Variants in CPQ observed in about 807,000 individuals in gnomAD.
CPQ encodes Ser-Met dipeptidase.
Under a neutral mutation model 45.7 loss-of-function variants are expected in CPQ, and 37 were observed. That is an observed-to-expected ratio of 0.81 (90% confidence interval 0.62 to 1.07). CPQ has a LOEUF of 1.07. Among genes scored for constraint, CPQ ranks in the 50% least tolerant of loss-of-function variants. The pLI is 0.00. For missense variants in CPQ, 537 were observed against 572.9 expected (o/e 0.94, Z 0.64); for synonymous variants, 186 against 205.8 (o/e 0.90, Z 0.82).
intron 1 of CPQ, among the ~76,000 whole-genome samples, chr8:96,690,022 G>C (rs112295017): frequency 2.0e-5 from 3 of 152,064 alleles, no homozygotes; most frequent in African/African-American, 7.2e-5. Flanking sequence ...TTTCTCTCCT[G>C]TTTATGAGCT....
intron 3 of CPQ, among the ~76,000 whole-genome samples, chr8:96,877,707 G>A (rs984387501): frequency 2.0e-5 from 3 of 152,116 alleles, no homozygotes; most frequent in Non-Finnish European, 4.4e-5. Flanking sequence ...GCAATATTAT[G>A]AGGTCAATGC....
At chr8:97,078,763 TTCTC>T (rs749278181) in intron 7 of CPQ, among the ~76,000 whole-genome samples, 4,961 of 100,268 alleles carry the variant, frequency 0.049, 121 homozygotes, top group Middle Eastern at 0.1. Context: ...TCATTTCCAT[TTCTC>T]TCTCTCTCTC....
chr8:96,674,454 C>A (rs1463876591), intron 1 of CPQ, among the ~76,000 whole-genome samples: 1 of 152,020 alleles, frequency 6.6e-6, no homozygotes, highest in African/African-American at 2.4e-5. Context: ...ATTAGTGTCA[C>A]CAAGGGCATA....
chr8:97,024,895 T>C (rs1809771716), intron 5 of CPQ, among the ~76,000 whole-genome samples: 1 of 152,210 alleles, frequency 6.6e-6, no homozygotes, highest in African/African-American at 2.4e-5. Flanking sequence ...AAAATGAGTA[T>C]ATTTACTGCA....
chr8:97,084,611 A>C (rs1206645171), intron 7 of CPQ, among the ~76,000 whole-genome samples: 1 of 152,192 alleles, frequency 6.6e-6, no homozygotes, highest in African/African-American at 2.4e-5. Flanking sequence ...ACAATTACAG[A>C]GGCACATACA....
intron 1 of CPQ, among the ~76,000 whole-genome samples, chr8:96,684,071 A>G (rs1809190418): frequency 6.6e-6 from 1 of 152,048 alleles, no homozygotes; most frequent in Non-Finnish European, 1.5e-5. Flanking sequence ...TTACTGGATA[A>G]TTATTGTGTT....
Position 96,794,026 on chromosome 8 carries a change from G to A in CPQ, c.433+8696G>A, listed in dbSNP as rs187351688. On this transcript the variant is annotated intron_variant, in intron 2 of 7. Transcript: ENST00000220763. ...GTGTCTGCAGTTTTTCCAGGTGCACGGTGCAAGCTGTTGGTGGATCTATCA... is the reference window on the plus strand; with the variant it reads ...GTGTCTGCAGTTTTTCCAGGTGCACAGTGCAAGCTGTTGGTGGATCTATCA... Among the ~76,000 whole-genome samples the A allele has an allele frequency of 5.9e-3, 902 of 152,290 alleles. 7 individuals carry two copies. The highest frequency in any genetic ancestry group is 9.9e-3 in the African/African-American group (410 of 41,566).
intron 6 of CPQ, among the ~76,000 whole-genome samples, chr8:97,036,585 A>T (rs975287862): frequency 3.3e-5 from 5 of 152,222 alleles, no homozygotes; most frequent in African/African-American, 9.6e-5. Flanking sequence ...TCTGCTTTTC[A>T]TGGGAATAAT....
chr8:96,855,791 G>A (rs1811840227), intron 3 of CPQ, among the ~76,000 whole-genome samples: 1 of 152,166 alleles, frequency 6.6e-6, no homozygotes, highest in South Asian at 2.1e-4. Context: ...GATAAAATAG[G>A]GTAATGCATT....
intron 1 of CPQ, among the ~76,000 whole-genome samples, chr8:96,728,065 CCT>C (rs1809867258): frequency 6.6e-6 from 1 of 152,068 alleles, no homozygotes; most frequent in Non-Finnish European, 1.5e-5. Flanking sequence ...AAGGTGTGCC[CCT>C]CTCTCTGGAG....
At chr8:97,049,043 C>A (rs1810309587) in intron 6 of CPQ, among the ~76,000 whole-genome samples, 1 of 152,124 alleles carries the variant, frequency 6.6e-6, no homozygotes, top group Non-Finnish European at 1.5e-5. Flanking sequence ...ACTGACATTC[C>A]TATTGTACAA....
intron 1 of CPQ, among the ~76,000 whole-genome samples, chr8:96,695,267 T>C (rs1451988220): frequency 6.8e-6 from 1 of 147,684 alleles, no homozygotes; most frequent in Non-Finnish European, 1.5e-5. Flanking sequence ...ATCCCTTCCT[T>C]ACACCTTATA....
intron 4 of CPQ, among the ~76,000 whole-genome samples, chr8:96,914,708 C>A (rs1299343131): frequency 6.6e-6 from 1 of 152,082 alleles, no homozygotes; most frequent in Non-Finnish European, 1.5e-5. Flanking sequence ...AGGCTAATTT[C>A]AAACCCAGTT....
chr8:97,091,430 G>A (rs1168576301), intron 7 of CPQ, among the ~76,000 whole-genome samples: 2 of 152,158 alleles, frequency 1.3e-5, no homozygotes, highest in Non-Finnish European at 1.5e-5. Flanking sequence ...TGTTCATGAG[G>A]AGAACAGATG....
intron 3 of CPQ, among the ~76,000 whole-genome samples, chr8:96,859,776 T>C (rs193153085): frequency 1.1e-3 from 167 of 152,298 alleles, no homozygotes; most frequent in Middle Eastern, 6.8e-3. Context: ...TTTCATTGCA[T>C]GATGTCTGTG....
chr8:97,075,260 G>A lies in CPQ; in HGVS notation c.1255+9050G>A, dbSNP rs113707321. 4.7e-3 allele frequency among the ~76,000 whole-genome samples: 708 copies of A among 152,250 alleles called. 6 individuals carry two copies. Among genetic ancestry groups the A allele is most frequent in the African/African-American group, 0.016 (661 of 41,544 alleles). On this transcript the variant is annotated intron_variant, in intron 7 of 7. Transcript: ENST00000220763. ...TACTTAAGTCTCTGTACCATTTTCC[G>A]TGCCTTCTAATGACATAGCCTAGAA...
chr8:96,958,389 A>G (rs1813393034), intron 4 of CPQ, among the ~76,000 whole-genome samples: 1 of 152,178 alleles, frequency 6.6e-6, no homozygotes, highest in African/African-American at 2.4e-5. Flanking sequence ...CAAATGAGAC[A>G]ACTTATACTG....
At chr8:96,955,442 T>A (rs960261884) in intron 4 of CPQ, among the ~76,000 whole-genome samples, 14 of 152,118 alleles carry the variant, frequency 9.2e-5, no homozygotes, top group African/African-American at 3.4e-4. Flanking sequence ...TGTATGGCCA[T>A]ACTGCCCAAG....
At chr8:97,030,535 G>T (rs1809883532) in intron 6 of CPQ, among the ~76,000 whole-genome samples, 1 of 152,068 alleles carries the variant, frequency 6.6e-6, no homozygotes, top group South Asian at 2.1e-4. Context: ...TTGGCCTCAG[G>T]TGATCCTGGG....
Sources: gnomAD v4.1 joint callset for allele counts (sites outside exome capture counted in the v4.1 genomes callset) on GRCh38, gnomAD v4.1.1 for gene constraint, MANE v1.5 for transcripts, NCBI Gene and HGNC (gene_info 2026-07-23, HGNC 2026-07-21) for gene names.